TOPBP1: variants seen among roughly 807,000 people sequenced by gnomAD.
The protein encoded by TOPBP1 is DNA topoisomerase II binding protein 1.
In TOPBP1, 28 loss-of-function variants were observed where a neutral mutation model predicts 167.7. That is an observed-to-expected ratio of 0.17 (90% confidence interval 0.12 to 0.23). The LOEUF is 0.23. TOPBP1 is among the 10% of genes least tolerant of loss of function. The pLI is 1.00. For synonymous variants in TOPBP1, 598 were observed against 611.4 expected (o/e 0.98, Z 0.32); for missense variants, 1,554 against 1,809.6 (o/e 0.86, Z 2.56).
intron 14 of TOPBP1, among the ~76,000 whole-genome samples, chr3:133,636,360 A>C (rs1935674459): frequency 1.3e-5 from 2 of 151,346 alleles, no homozygotes; most frequent in South Asian, 2.1e-4. Flanking sequence ...TTTTAAGTAA[A>C]GAATTCAACA....
At chr3:133,624,511 T>C (rs1241279069) in intron 16 of TOPBP1, among the ~76,000 whole-genome samples, 1 of 152,240 alleles carries the variant, frequency 6.6e-6, no homozygotes, top group Non-Finnish European at 1.5e-5. Context: ...ATAGGCTCTA[T>C]CTTTTTGGAC....
intron 17 of TOPBP1, 30 bp from the exon 18 acceptor site, chr3:133,623,487 G>C (rs1274409174): frequency 6.3e-7 from 1 of 1,575,422 alleles, no homozygotes; most frequent in South Asian, 1.2e-5. Context: ...TTTAAGACAG[G>C]ACTGACAAAA....
chr3:133,614,257 G>T (rs1423125912), intron 23 of TOPBP1, among the ~76,000 whole-genome samples: 2 of 152,020 alleles, frequency 1.3e-5, no homozygotes, highest in Non-Finnish European at 2.9e-5. Flanking sequence ...ATGAAGGAAG[G>T]TTACTATTAT....
At chr3:133,651,048 G>A (rs187102344) in intron 8 of TOPBP1, among the ~76,000 whole-genome samples, 1 of 149,792 alleles carries the variant, frequency 6.7e-6, no homozygotes, top group African/African-American at 2.5e-5. Flanking sequence ...AGTGAGCTGA[G>A]ATCACGCCAC....
intron 13 of TOPBP1, 111 bp downstream of exon 13, chr3:133,639,848 T>C (rs761935724): frequency 1.2e-5 from 13 of 1,075,682 alleles, no homozygotes; most frequent in Admixed American, 4.9e-5. Context: ...CTGCACCCAA[T>C]GTGAAAAGCA....
intron 27 of TOPBP1, among the ~76,000 whole-genome samples, chr3:133,602,327 T>G (rs1934333081): frequency 6.6e-6 from 1 of 152,224 alleles, no homozygotes; most frequent in Admixed American, 6.5e-5. Context: ...GAAGGTAGAA[T>G]AGACATTTCA....
rs1476455250 is a variant in TOPBP1 at position 133,611,083 on chromosome 3, A to G, written c.4094T>C (p.Val1365Ala). 6.2e-7 allele frequency: 1 copy of G among 1,613,250 alleles called. No homozygotes were observed. Among genetic ancestry groups the G allele is most frequent in the Non-Finnish European group, 8.5e-7 (1 of 1,179,518 alleles). ...TGCAAGTGCTAGTCTTCGTTGCTGT[A>G]CATTGATTCCAGTCAGAACATCAAG... is the stretch of plus-strand genomic sequence containing the variant. ...SILDVLTGINVQQRRLALAAM... is the reference protein window; with the variant it reads ...SILDVLTGINAQQRRLALAAM... Residue 1365 changes from valine to alanine, a missense_variant, in exon 25 of 28, where the codon GTA (valine) becomes GCA (alanine). Val to Ala is a moderately conservative substitution (Grantham distance 64, BLOSUM62 0). This residue lies in a region of TOPBP1 where 351 missense variants were observed against 432.9 expected (regional missense o/e 0.81). Coordinates refer to ENST00000260810, the MANE Select transcript of TOPBP1 (RefSeq NM_007027.4).
intron 13 of TOPBP1, among the ~76,000 whole-genome samples, chr3:133,639,063 A>G (rs143076403): frequency 2.6e-3 from 399 of 152,288 alleles, no homozygotes; most frequent in African/African-American, 9.2e-3. Context: ...CGATTCCTCA[A>G]AGATCTAGAA....
intron 14 of TOPBP1, among the ~76,000 whole-genome samples, chr3:133,629,619 T>A (rs527759049): frequency 2.4e-4 from 37 of 152,194 alleles, no homozygotes; most frequent in Middle Eastern, 3.2e-3. Context: ...GACATTTTCA[T>A]GAGCAAAGTA....
rs535363985 is a variant in TOPBP1, at chr3:133,644,948, A to C, written c.1505-585T>G. On this transcript the variant is annotated intron_variant, in intron 10 of 27. Coordinates refer to ENST00000260810, the MANE Select transcript of TOPBP1 (RefSeq NM_007027.4). ...CTTTACAAATGCATGTAATGCTCAC[A>C]TAATGCTAACTGTGAGGCTGATACT... Among the ~76,000 whole-genome samples the C allele has an allele frequency of 2.6e-5, 4 of 152,362 alleles. No homozygotes were observed. The South Asian group carries it at 8.3e-4, about 32-fold the overall frequency.
intron 8 of TOPBP1, among the ~76,000 whole-genome samples, chr3:133,651,391 T>C (rs1936298967): frequency 6.6e-6 from 1 of 151,844 alleles, no homozygotes; most frequent in South Asian, 2.1e-4. Context: ...GGTTTCACCA[T>C]GTTGGCCAGG....
chr3:133,612,629 T>C (rs1223956691), intron 23 of TOPBP1, 77 bp from the exon 24 acceptor site: 20 of 1,329,214 alleles, frequency 1.5e-5, no homozygotes, highest in Non-Finnish European at 3.0e-6. Context: ...CAACTACGCA[T>C]AGAAATTATT....
chr3:133,630,800 G>T (rs1042345296), intron 14 of TOPBP1, among the ~76,000 whole-genome samples: 9 of 152,110 alleles, frequency 5.9e-5, no homozygotes, highest in African/African-American at 2.2e-4. Flanking sequence ...ATTTCTTTTG[G>T]AGTGTATGTT....
At chr3:133,623,499 C>T (rs1207936755) in intron 17 of TOPBP1, 42 bp from the exon 18 acceptor site, 1 of 1,556,828 alleles carries the variant, frequency 6.4e-7, no homozygotes, top group East Asian at 2.3e-5. Context: ...CTGACAAAAT[C>T]TTAATGAATA....
chr3:133,630,621 G>A (rs11716415), intron 14 of TOPBP1, among the ~76,000 whole-genome samples: 21,876 of 151,638 alleles, frequency 0.14, 1,872 homozygotes, highest in Non-Finnish European at 0.2. Context: ...TTTTTGAGAC[G>A]GGGTCTTGCT....
At chr3:133,613,501 A>C (rs1934751418) in intron 23 of TOPBP1, among the ~76,000 whole-genome samples, 1 of 152,230 alleles carries the variant, frequency 6.6e-6, no homozygotes, top group Non-Finnish European at 1.5e-5. Context: ...AGATAGGGGC[A>C]TCTGCAGACT....
intron 21 of TOPBP1, 133 bp from the exon 22 acceptor site, chr3:133,617,459 A>G (rs1255727219): frequency 2.7e-5 from 26 of 952,104 alleles, no homozygotes; most frequent in South Asian, 5.1e-5. Flanking sequence ...TACAGGCAAA[A>G]AAGTATCCTA....
intron 3 of TOPBP1, 120 bp downstream of exon 3, chr3:133,658,896 G>C: frequency 9.1e-7 from 1 of 1,104,308 alleles, no homozygotes; most frequent in Non-Finnish European, 1.2e-6. Flanking sequence ...CAAACCAAAA[G>C]AATTCCAATG....
At chr3:133,610,636 T>A (rs1261098855) in intron 25 of TOPBP1, among the ~76,000 whole-genome samples, 158 of 135,380 alleles carry the variant, frequency 1.2e-3, no homozygotes, top group South Asian at 7.9e-3. Context: ...GATTAAAATT[T>A]AAAAAAAAAA....
Sources: allele counts gnomAD v4.1 joint callset (sites outside exome capture counted in the v4.1 genomes callset), GRCh38; gene constraint gnomAD v4.1.1; regional missense constraint gnomAD v4.1.1; transcripts MANE v1.5; gene names NCBI Gene and HGNC (gene_info 2026-07-23, HGNC 2026-07-21).